CTNND2: variants seen among roughly 807,000 people sequenced by gnomAD.
The protein encoded by CTNND2 is catenin delta 2, also known as catenin delta-2.
CTNND2 carries 22 observed loss-of-function variants against 144.4 expected under a neutral mutation model. That is an observed-to-expected ratio of 0.15 (90% confidence interval 0.11 to 0.22). The LOEUF (loss-of-function observed/expected upper bound fraction) is 0.22, where lower values mean the gene tolerates loss of function less well. CTNND2 is among the 10% of genes least tolerant of loss of function. The pLI is 1.00. For missense variants in CTNND2, 1,353 were observed against 1,618.8 expected (o/e 0.84, Z 2.82); for synonymous variants, 751 against 695.6 (o/e 1.08, Z -1.25).
chr5:11,074,860 T>G (rs1307545635), intron 16 of CTNND2, among the ~76,000 whole-genome samples: 1 of 152,214 alleles, frequency 6.6e-6, no homozygotes, highest in Non-Finnish European at 1.5e-5. Context: ...AAACAGTCTT[T>G]ACAATGTGCA....
At chr5:11,356,066 T>A (rs1474229206) in intron 8 of CTNND2, among the ~76,000 whole-genome samples, 1 of 151,668 alleles carries the variant, frequency 6.6e-6, no homozygotes, top group Non-Finnish European at 1.5e-5. Flanking sequence ...TAAATGAAAA[T>A]ACATCTCATG....
chr5:11,452,170 C>A (rs956318167), intron 3 of CTNND2, among the ~76,000 whole-genome samples: 2 of 152,214 alleles, frequency 1.3e-5, no homozygotes, highest in African/African-American at 2.4e-5. Flanking sequence ...GGATAGGTTG[C>A]AAAGTCAGGC....
intron 15 of CTNND2, among the ~76,000 whole-genome samples, chr5:11,091,810 C>T (rs189110929): frequency 6.6e-6 from 1 of 152,188 alleles, no homozygotes; most frequent in East Asian, 1.9e-4. Flanking sequence ...CATGAGTGTC[C>T]GATTTCATTC....
In CTNND2 at chr5:11,222,855, C is replaced by T. The variant is rs1033851363; in HGVS notation, c.1761+13836G>A. Among the ~76,000 whole-genome samples the T allele has an allele frequency of 2.0e-5, 3 of 152,114 alleles. No individual in the cohort carries two copies. In the East Asian group the frequency reaches 5.8e-4, roughly 29 times the overall value. On this transcript the variant is annotated intron_variant, in intron 10 of 21. Transcript: ENST00000304623. ...CCATTTTACCACTTCCATCCTTTCC[C>T]CCTCCCCATCTCCAACATCCCACCT...
chr5:11,821,821 C>T (rs886669940), intron 1 of CTNND2, among the ~76,000 whole-genome samples: 4 of 152,046 alleles, frequency 2.6e-5, no homozygotes, highest in Admixed American at 6.5e-5. Flanking sequence ...TAAATCAATT[C>T]GATTTCATTT....
At chr5:11,858,008 G>A (rs1795330755) in intron 1 of CTNND2, among the ~76,000 whole-genome samples, 1 of 152,110 alleles carries the variant, frequency 6.6e-6, no homozygotes, top group African/African-American at 2.4e-5. Context: ...ACTCCTTATG[G>A]CATATGTTTG....
intron 18 of CTNND2, among the ~76,000 whole-genome samples, chr5:11,003,276 A>G (rs1421469306): frequency 2.0e-5 from 3 of 152,190 alleles, no homozygotes; most frequent in African/African-American, 7.2e-5. Context: ...ACCAGCCTGT[A>G]ACACTCAGGG....
intron 2 of CTNND2, among the ~76,000 whole-genome samples, chr5:11,683,062 G>C (rs750622104): frequency 6.6e-6 from 1 of 152,100 alleles, no homozygotes; most frequent in Non-Finnish European, 1.5e-5. Context: ...ATGATGCATC[G>C]ATTTGTAATC....
intron 8 of CTNND2, among the ~76,000 whole-genome samples, chr5:11,351,648 G>A (rs1295345541): frequency 3.3e-5 from 5 of 152,078 alleles, no homozygotes; most frequent in African/African-American, 1.2e-4. Context: ...AAGGAGAACA[G>A]AATAAAATAC....
chr5:11,849,091 AG>A (rs1474328985), intron 1 of CTNND2, among the ~76,000 whole-genome samples: 1 of 152,180 alleles, frequency 6.6e-6, no homozygotes, highest in Non-Finnish European at 1.5e-5. Flanking sequence ...AAAGAAAAAA[AG>A]GTTTAATGGA....
chr5:11,713,293 T>C lies in CTNND2; in HGVS notation c.174+18843A>G, dbSNP rs188152180. Among the ~76,000 whole-genome samples the C allele has an allele frequency of 2.5e-3, 387 of 152,134 alleles. 1 individual carries two copies. Among genetic ancestry groups the C allele is most frequent in the Non-Finnish European group, 3.8e-3 (259 of 67,988 alleles). On this transcript the variant is annotated intron_variant, in intron 2 of 21. Transcript: ENST00000304623. The stretch of plus-strand genomic sequence containing the variant: ...GCACCTACCTATATTAGAAATACAA[T>C]ATGTAAGCCAGGTGCAGTGGCTCAG...
intron 9 of CTNND2, among the ~76,000 whole-genome samples, chr5:11,336,521 A>G (rs1047645707): frequency 1.3e-5 from 2 of 152,230 alleles, no homozygotes; most frequent in Non-Finnish European, 2.9e-5. Context: ...TGATAAATAG[A>G]GAAGACAGAA....
At chr5:11,254,119 A>T (rs1297893374) in intron 9 of CTNND2, among the ~76,000 whole-genome samples, 1 of 152,214 alleles carries the variant, frequency 6.6e-6, no homozygotes, top group African/African-American at 2.4e-5. Flanking sequence ...AATTTACATA[A>T]TTTACTGCAA....
intron 2 of CTNND2, among the ~76,000 whole-genome samples, chr5:11,662,907 C>T (rs999711185): frequency 1.3e-5 from 2 of 152,186 alleles, no homozygotes; most frequent in Admixed American, 1.3e-4. Context: ...ATGAAAGCTG[C>T]CAGTAAACAA....
chr5:11,175,475 G>A (rs1393072677), intron 11 of CTNND2, among the ~76,000 whole-genome samples: 1 of 152,042 alleles, frequency 6.6e-6, no homozygotes, highest in Non-Finnish European at 1.5e-5. Context: ...CACGCTGTTC[G>A]TTAACTTGAC....
At chr5:11,423,927 T>TA (rs1371129961) in intron 3 of CTNND2, among the ~76,000 whole-genome samples, 2 of 152,182 alleles carry the variant, frequency 1.3e-5, no homozygotes, top group African/African-American at 2.4e-5. Context: ...AGAAGATTTG[T>TA]AAAAAATAAG....
Position 11,732,179 on chromosome 5 carries a change from T to C in CTNND2, c.131A>G (p.Glu44Gly). Residue 44 changes from glutamate to glycine, a missense_variant, in exon 2 of 22, where the codon GAA becomes GGA. This residue lies in a region of CTNND2 where 708 missense variants were observed against 706.4 expected (regional missense o/e 1.00). Coordinates refer to ENST00000304623, the MANE Select transcript of CTNND2 (RefSeq NM_001332.4). ...GAGGATGGCAGAGGTGGTTTCTGTT[T>C]CAGAGCCATCCCCGTTGGAGGTGTT... ...GLNTSNGDGS[E>G]TETTSAILAS... The C allele has an allele frequency of 6.2e-7, 1 of 1,614,000 alleles. No individual in the cohort carries two copies. The highest frequency in any genetic ancestry group is 8.5e-7 in the Non-Finnish European group (1 of 1,179,922).
intron 1 of CTNND2, among the ~76,000 whole-genome samples, chr5:11,766,051 C>T (rs1418393654): frequency 6.6e-6 from 1 of 152,026 alleles, no homozygotes. Context: ...TATAACCAGG[C>T]CTTTTAACTA....
intron 11 of CTNND2, among the ~76,000 whole-genome samples, chr5:11,182,273 C>G (rs1445614033): frequency 6.6e-6 from 1 of 151,452 alleles, no homozygotes; most frequent in Non-Finnish European, 1.5e-5. Context: ...CATGCACACA[C>G]CCGGGCATGT....
Sources: allele counts gnomAD v4.1 joint callset (sites outside exome capture counted in the v4.1 genomes callset), GRCh38; gene constraint gnomAD v4.1.1; regional missense constraint gnomAD v4.1.1; transcripts MANE v1.5; gene names NCBI Gene and HGNC (gene_info 2026-07-23, HGNC 2026-07-21).